The following GLRX variants were observed in gnomAD, a reference collection of about 807,000 sequenced individuals.
GLRX encodes glutaredoxin-1.
Under a neutral mutation model 11.1 loss-of-function variants are expected in GLRX, and 9 were observed. The observed-to-expected ratio is 0.81, with a 90% CI of 0.49 to 1.42. The LOEUF (loss-of-function observed/expected upper bound fraction) is 1.42, where lower values mean the gene tolerates loss of function less well. Among genes scored for constraint, GLRX ranks in the 40% most tolerant of loss-of-function variants. The probability of loss-of-function intolerance (pLI) is 0.00; values close to 1 mark genes in which losing one functional copy is unlikely to be tolerated. For missense variants in GLRX, 102 were observed against 126.2 expected (o/e 0.81, Z 0.92); for synonymous variants, 49 against 49.5 (o/e 0.99, Z 0.04).
chr5:95,817,642 T>C (rs1347694788), intron 1 of GLRX: 3 of 152,242 alleles, frequency 2.0e-5, no homozygotes, highest in Admixed American at 6.5e-5. Flanking sequence ...AGAGGGCTTT[T>C]AGAATCGCGA....
At chr5:95,817,658 G>A (rs1253320676) in intron 1 of GLRX, 2 of 152,192 alleles carry the variant, frequency 1.3e-5, no homozygotes, top group Non-Finnish European at 2.9e-5. Context: ...CGCGAGGGAG[G>A]AGGAAATACC....
At chr5:95,819,731 C>T (rs942852800) in intron 1 of GLRX, among the ~76,000 whole-genome samples, 1 of 151,842 alleles carries the variant, frequency 6.6e-6, no homozygotes, top group Non-Finnish European at 1.5e-5. Context: ...AAACCCGTCT[C>T]TACTAAACAT....
Position 95,822,532 on chromosome 5 carries a change from TC to T in GLRX, c.130del (p.Glu44AsnfsTer37). ...SQLPIKQGLL[E>X]FVDITATNHT... is the part of the protein sequence containing the mutation. ...GTTGGTGGCTGTGATATCGACAAAT[TC>T]CAGAAGCCCTTGTTTGATGGGCAAT... is the stretch of plus-strand genomic sequence containing the variant. On this transcript the variant is annotated frameshift_variant, in exon 1 of 3. Transcript: ENST00000237858. LOFTEE classifies it high-confidence loss of function. 6.2e-7 allele frequency: 1 copy of T among 1,613,886 alleles called. No individual in the cohort carries two copies. The highest frequency in any genetic ancestry group is 8.5e-7 in the Non-Finnish European group (1 of 1,179,808).
chr5:95,819,145 G>C (rs1290969995), intron 1 of GLRX: 1 of 152,042 alleles, frequency 6.6e-6, no homozygotes, highest in Non-Finnish European at 1.5e-5. Flanking sequence ...GTATTTGTTT[G>C]TCTCCCCCAC....
At position 95,819,732 on chromosome 5, in the gene GLRX, T is replaced by G. The variant is rs1055051510; in HGVS notation, c.207+2724A>C. The stretch of plus-strand genomic sequence containing the variant: ...GGCTAACACAGTGAAAACCCGTCTC[T>G]ACTAAACATACAAAAAATTAGCCAG... On this transcript the variant is annotated intron_variant, in intron 1 of 2. Coordinates refer to ENST00000237858, the MANE Select transcript of GLRX (RefSeq NM_001118890.2). 5.3e-5 allele frequency among the ~76,000 whole-genome samples: 8 copies of G among 151,998 alleles called. No homozygotes were observed. In the East Asian group the frequency reaches 1.4e-3, roughly 26 times the overall value.
chr5:95,822,135 T>A, intron 1 of GLRX: 1 of 347,666 alleles, frequency 2.9e-6, no homozygotes, highest in Non-Finnish European at 5.3e-6. Context: ...AAACTGTCAT[T>A]TCCTGGCAGT....
chr5:95,822,135 T>G lies in GLRX; in HGVS notation c.207+321A>C, dbSNP rs543170059. On this transcript the variant is annotated intron_variant, in intron 1 of 2. Transcript: ENST00000237858. ...AGCCCTGCCAACTGAAAACTGTCAT[T>G]TCCTGGCAGTGCTTAAAACAAAGAC... 1.4e-5 allele frequency: 5 copies of G among 347,666 alleles called. No individual in the cohort carries two copies. The East Asian group carries it at 2.8e-4, about 19-fold the overall frequency. 21.5% of individuals were successfully genotyped at this position (347,666 alleles called of 1,614,324 possible).
At chr5:95,822,084 G>A (rs1747259198) in intron 1 of GLRX, 1 of 255,626 alleles carries the variant, frequency 3.9e-6, no homozygotes, top group Non-Finnish European at 7.6e-6. Context: ...CATCACACCC[G>A]GCCCTCCACC....
At chr5:95,822,344 C>T in intron 1 of GLRX, 112 bp downstream of exon 1, 1 of 835,436 alleles carries the variant, frequency 1.2e-6, no homozygotes, top group Non-Finnish European at 2.0e-6. Context: ...CCCGCACAGC[C>T]CTCTGGACGC....
chr5:95,822,554 G>A lies in GLRX; in HGVS notation c.109C>T (p.Pro37Ser), dbSNP rs143185589. ...AATTCCAGAAGCCCTTGTTTGATGGGCAATTGACTGAGGATCTCTTGGGCC... is the reference window on the plus strand; with the variant it reads ...AATTCCAGAAGCCCTTGTTTGATGGACAATTGACTGAGGATCTCTTGGGCC... ...RRAQEILSQLPIKQGLLEFVD... is the reference protein window; with the variant it reads ...RRAQEILSQLSIKQGLLEFVD... The change falls in exon 1 of 3, where the codon CCC becomes TCC. Residue 37 changes from proline (P) to serine (S), a missense_variant. Physicochemically the swap from Pro to Ser is moderately conservative, Grantham distance 74. Coordinates refer to ENST00000237858, the MANE Select transcript of GLRX (RefSeq NM_001118890.2). 3 of 1,613,546 alleles carry A rather than the reference G, an allele frequency of 1.9e-6. No individual in the cohort carries two copies. In the African/African-American group the frequency reaches 4.0e-5, roughly 22 times the overall value.
At chr5:95,816,283 TTAATA>T (rs1275119120) in intron 2 of GLRX, 4 of 489,796 alleles carry the variant, frequency 8.2e-6, no homozygotes, top group African/African-American at 7.8e-5. Flanking sequence ...TGGCACATGC[TTAATA>T]AATATTTCTT....
intron 1 of GLRX, among the ~76,000 whole-genome samples, chr5:95,819,897 CAAAAAAAAAAA>C (rs35347478): frequency 1.8e-5 from 1 of 54,176 alleles, no homozygotes; most frequent in African/African-American, 8.4e-5. Flanking sequence ...GACTCCGTCT[CAAAAAAAAAAA>C]AAAAAAAAAA....
rs1248171073 is a variant in GLRX at position 95,822,599 on chromosome 5, T to TGGGCTTGATGAACACAACCACCTTCCC, written c.37_63dup (p.Gly13_Pro21dup). 6.2e-7 allele frequency: 1 copy of TGGGCTTGATGAACACAACCACCTTCCC among 1,613,648 alleles called. No homozygotes were observed. Among genetic ancestry groups the TGGGCTTGATGAACACAACCACCTTCCC allele is most frequent in the African/African-American group, 1.3e-5 (1 of 74,882 alleles). ...TGGGCCCTCCTGCAGTACGGGCAGG[T>TGGGCTTGATGAACACAACCACCTTCCC]GGGCTTGATGAACACAACCACCTTC... is the stretch of plus-strand genomic sequence containing the variant. On this transcript the variant is annotated inframe_insertion, in exon 1 of 3. Transcript: ENST00000237858.
At chr5:95,822,103 C>T (rs978673116) in intron 1 of GLRX, 2 of 285,460 alleles carry the variant, frequency 7.0e-6, no homozygotes, top group Non-Finnish European at 1.3e-5. Context: ...CCCCAGCTTC[C>T]ACCTCCAGCC....
chr5:95,820,890 T>A (rs11750758), intron 1 of GLRX, among the ~76,000 whole-genome samples: 1 of 151,846 alleles, frequency 6.6e-6, no homozygotes, highest in Non-Finnish European at 1.5e-5. Flanking sequence ...CCGAGGTAGG[T>A]GGATCGCCTG....
At chr5:95,822,123 G>A in intron 1 of GLRX, 1 of 322,236 alleles carries the variant, frequency 3.1e-6, no homozygotes, top group Admixed American at 4.5e-5. Context: ...CCTGCCAACT[G>A]AAAACTGTCA....
At chr5:95,816,468 C>A in intron 2 of GLRX, 39 bp downstream of exon 2, 1 of 937,392 alleles carries the variant, frequency 1.1e-6, no homozygotes, top group Non-Finnish European at 1.8e-6. Context: ...ATTCCACGGT[C>A]TCCCATGTTC....
Position 95,816,646 on chromosome 5 carries a change from A to C in GLRX, c.208-20T>G. On this transcript the variant is annotated intron_variant, in intron 1 of 2. Transcript: ENST00000237858. ...AGGCACCTAAAAAAGCACACGACCC[A>C]GGACATTACTACATTACTAGATTAG... 8.9e-7 allele frequency: 1 copy of C among 1,118,604 alleles called. No individual in the cohort carries two copies. The highest frequency in any genetic ancestry group is 1.4e-6 in the Non-Finnish European group (1 of 726,278). 69.3% of individuals were successfully genotyped at this position (1,118,604 alleles called of 1,614,324 possible).
intron 2 of GLRX, among the ~76,000 whole-genome samples, chr5:95,815,920 G>A (rs146106875): frequency 4.1e-4 from 62 of 152,220 alleles, no homozygotes; most frequent in African/African-American, 1.5e-3. Flanking sequence ...CACCTTTCTC[G>A]CTATTCTTCC....
Sources: allele counts gnomAD v4.1 joint callset (sites outside exome capture counted in the v4.1 genomes callset), GRCh38; gene constraint gnomAD v4.1.1; transcripts MANE v1.5; gene names NCBI Gene and HGNC (gene_info 2026-07-23, HGNC 2026-07-21).